PCSK6: variants seen among roughly 807,000 people sequenced by gnomAD.
PCSK6 encodes proprotein convertase subtilisin/kexin type 6, also known as paired basic amino acid cleaving enzyme 4.
Under a neutral mutation model 123.3 loss-of-function variants are expected in PCSK6, and 85 were observed. That is an observed-to-expected ratio of 0.69 (90% CI 0.58 to 0.83). The LOEUF (loss-of-function observed/expected upper bound fraction) is 0.83. Ranked by LOEUF, PCSK6 falls within the 40% of genes least tolerant of loss-of-function variation. The pLI is 0.00. For synonymous variants in PCSK6, 508 were observed against 516.0 expected (o/e 0.98, Z 0.21); for missense variants, 1,191 against 1,282.3 (o/e 0.93, Z 1.09).
In PCSK6 at chr15:101,489,446, C is replaced by A. The variant is rs981033503; in HGVS notation, c.225G>T (p.Ala75=). 5.8e-6 allele frequency: 7 copies of A among 1,216,962 alleles called. No homozygotes were observed. In the African/African-American group the frequency reaches 9.9e-5, roughly 17 times the overall value. The allele number at this position is 1,216,962 out of a possible 1,614,324, so 75.4% of individuals were successfully genotyped here. ...PPRPVYTNHW[A]VQVLGGPAEA... ...CGGCCGGGCCGCCCAGCACTTGCAC[C>A]GCCCAGTGGTTGGTGTAGACGGGGC... The change falls in exon 1 of 22, where the codon GCG becomes GCT. Residue 75 remains alanine, a synonymous_variant. Coordinates refer to ENST00000611716, the MANE Select transcript of PCSK6 (RefSeq NM_002570.5).
chr15:101,363,634 C>CTTG (rs1555449334), intron 13 of PCSK6, among the ~76,000 whole-genome samples: 1,560 of 140,170 alleles, frequency 0.011, 23 homozygotes, highest in African/African-American at 0.041. Context: ...TGTTATAACA[C>CTTG]TTTTTTTTTT....
intron 1 of PCSK6, among the ~76,000 whole-genome samples, chr15:101,482,575 T>C (rs920941447): frequency 1.3e-5 from 2 of 152,156 alleles, no homozygotes; most frequent in Non-Finnish European, 2.9e-5. Flanking sequence ...CGGCATGCAG[T>C]TGGCGGACAC....
At chr15:101,317,537 A>G (rs547204033) in intron 19 of PCSK6, among the ~76,000 whole-genome samples, 1 of 152,328 alleles carries the variant, frequency 6.6e-6, no homozygotes, top group African/African-American at 2.4e-5. Flanking sequence ...GTTCAAAATA[A>G]GTGAAGATAG....
intron 19 of PCSK6, among the ~76,000 whole-genome samples, chr15:101,315,468 C>T (rs972862689): frequency 1.4e-4 from 21 of 152,352 alleles, no homozygotes; most frequent in Admixed American, 3.9e-4. Context: ...AAGAGCAGAA[C>T]GGGCTGTGCT....
chr15:101,305,265 G>T lies in PCSK6; in HGVS notation c.2903C>A (p.Ala968Asp). 6.2e-7 allele frequency: 1 copy of T among 1,610,384 alleles called. No individual in the cohort carries two copies. The change falls in exon 22 of 22, where the codon GCC becomes GAC. Residue 968 changes from alanine (A) to aspartate (D), a missense_variant. Coordinates refer to ENST00000611716, the MANE Select transcript of PCSK6 (RefSeq NM_002570.5). This position sits in a 1 kb window ranked among gnomAD's most constrained non-coding sequence, Gnocchi z 4.8. The part of the protein sequence containing the change: ...IQFCCRTCLL[A>D]G ...GTGGGCAGCTAGGCACCCTTACCCG[G>T]CCAGGAGGCACGTGCGGCAGCAGAA...
chr15:101,350,383 C>G (rs2141408768), intron 13 of PCSK6, among the ~76,000 whole-genome samples: 1 of 152,278 alleles, frequency 6.6e-6, no homozygotes, highest in Admixed American at 6.5e-5. Flanking sequence ...CAGTATAGCA[C>G]TCTGTGATTA....
chr15:101,392,653 C>G (rs138463896), intron 8 of PCSK6, among the ~76,000 whole-genome samples: 124 of 141,218 alleles, frequency 8.8e-4, no homozygotes, highest in African/African-American at 2.9e-3. Flanking sequence ...CAAATTCTAC[C>G]TGAGTACTAA....
intron 19 of PCSK6, among the ~76,000 whole-genome samples, chr15:101,317,977 C>T (rs2040030588): frequency 6.6e-6 from 1 of 152,176 alleles, no homozygotes; most frequent in African/African-American, 2.4e-5. Context: ...GGGTTATAGG[C>T]ATGAGCCACT....
At chr15:101,350,555 G>GA (rs778145141) in intron 13 of PCSK6, among the ~76,000 whole-genome samples, 3 of 152,308 alleles carry the variant, frequency 2.0e-5, no homozygotes, top group East Asian at 1.9e-4. Flanking sequence ...GATTTAGTCA[G>GA]AAAAATAGTT....
rs750084393 is a variant in PCSK6, at chr15:101,398,458, C to T, written c.942G>A (p.Thr314=). 44 of 1,613,758 alleles carry T rather than the reference C, an allele frequency of 2.7e-5. 1 individual carries two copies. In the South Asian group the frequency reaches 3.5e-4, roughly 13 times the overall value. ...TAGCCAGTCGGCCGGGCCCGTCCAC[C>T]GTCTTGCCGTCGTCGTCCGGCCCCC... ...ASWGPDDDGK[T]VDGPGRLAKQ... Residue 314 remains threonine, a synonymous_variant, in exon 7 of 22, where the codon ACG becomes ACA. Coordinates refer to ENST00000611716, the MANE Select transcript of PCSK6 (RefSeq NM_002570.5). This position sits in a 1 kb window ranked among gnomAD's most constrained non-coding sequence, Gnocchi z 4.6.
At chr15:101,332,080 G>A (rs1256021496) in intron 13 of PCSK6, 49 bp from the exon 14 acceptor site, 1 of 1,508,132 alleles carries the variant, frequency 6.6e-7, no homozygotes, top group Admixed American at 2.1e-5. Flanking sequence ...CAAGACCTCT[G>A]TCACTCACAG....
intron 1 of PCSK6, among the ~76,000 whole-genome samples, chr15:101,470,998 A>G (rs1288235363): frequency 1.3e-5 from 2 of 152,190 alleles, no homozygotes; most frequent in Admixed American, 6.5e-5. Context: ...TTGCCGTGCC[A>G]GGGGTGTCTG....
chr15:101,317,773 C>T (rs1464134802), intron 19 of PCSK6, among the ~76,000 whole-genome samples: 1 of 152,204 alleles, frequency 6.6e-6, no homozygotes, highest in Non-Finnish European at 1.5e-5. Context: ...ATGAGAACCT[C>T]AGGCTGCGTG....
chr15:101,332,804 G>C (rs971670047), intron 13 of PCSK6, among the ~76,000 whole-genome samples: 1 of 152,230 alleles, frequency 6.6e-6, no homozygotes. Flanking sequence ...GCTCCACAGG[G>C]AGCGATGGCC....
At chr15:101,391,613 A>G (rs2141545595) in intron 8 of PCSK6, among the ~76,000 whole-genome samples, 1 of 152,334 alleles carries the variant, frequency 6.6e-6, no homozygotes, top group Admixed American at 6.5e-5. Flanking sequence ...CCAGGTGGAC[A>G]CACCTGCTCA....
chr15:101,373,583 G>A (rs2041647850), intron 11 of PCSK6, among the ~76,000 whole-genome samples: 1 of 152,176 alleles, frequency 6.6e-6, no homozygotes, highest in South Asian at 2.1e-4. Context: ...TTATTAAGAA[G>A]AGAAATAAAA....
intron 13 of PCSK6, among the ~76,000 whole-genome samples, chr15:101,362,412 C>A (rs1420760510): frequency 6.6e-6 from 1 of 152,182 alleles, no homozygotes; most frequent in Non-Finnish European, 1.5e-5. Context: ...CAGCTTTGGG[C>A]ACCACCAGCA....
chr15:101,450,371 T>C (rs2057003300), intron 1 of PCSK6, among the ~76,000 whole-genome samples: 1 of 152,114 alleles, frequency 6.6e-6, no homozygotes, highest in Admixed American at 6.5e-5. Flanking sequence ...CACACCCCTG[T>C]GCTCGCTCAA....
intron 13 of PCSK6, chr15:101,364,728 T>C (rs2041337975): frequency 2.3e-6 from 1 of 428,980 alleles, no homozygotes; most frequent in Non-Finnish European, 4.1e-6. Flanking sequence ...AATGTGGAAA[T>C]ATTCCCCAAA....
Sources: allele counts gnomAD v4.1 joint callset (sites outside exome capture counted in the v4.1 genomes callset), GRCh38; gene constraint gnomAD v4.1.1; non-coding constraint Gnocchi (gnomAD v3.1); transcripts MANE v1.5; gene names NCBI Gene and HGNC (gene_info 2026-07-23, HGNC 2026-07-21).